BTBD3: variants seen among roughly 807,000 people sequenced by gnomAD.
The protein encoded by BTBD3 is BTB/POZ domain-containing protein 3.
Under a neutral mutation model 41.6 loss-of-function variants are expected in BTBD3, and 14 were observed. That is an observed-to-expected ratio of 0.34 (90% CI 0.22 to 0.53). BTBD3 has a LOEUF of 0.53. Ranked by LOEUF, BTBD3 falls within the 20% of genes least tolerant of loss-of-function variation. BTBD3 has a pLI of 0.95. For synonymous variants in BTBD3, 249 were observed against 233.7 expected (o/e 1.07, Z -0.60); for missense variants, 426 against 654.7 (o/e 0.65, Z 3.81).
chr20:11,922,945 T>G lies in BTBD3; in HGVS notation c.848T>G (p.Ile283Ser). The G allele has an allele frequency of 6.2e-7, 1 of 1,614,158 alleles. No homozygotes were observed. The highest frequency in any genetic ancestry group is 8.5e-7 in the Non-Finnish European group (1 of 1,180,026). The change falls in exon 4 of 4, where the codon ATT becomes AGT. Residue 283 changes from isoleucine to serine, a missense_variant. Transcript: ENST00000378226. ...LRRETLNAKE[I>S]VVFEAALNWA... ...AGGGAAACTCTGAATGCCAAAGAAATTGTGGTTTTTGAGGCAGCTCTCAAC... is the reference window on the plus strand; with the variant it reads ...AGGGAAACTCTGAATGCCAAAGAAAGTGTGGTTTTTGAGGCAGCTCTCAAC...
chr20:11,905,422 TAA>T (rs1419701954), intron 1 of BTBD3, among the ~76,000 whole-genome samples: 2 of 152,208 alleles, frequency 1.3e-5, no homozygotes, highest in African/African-American at 2.4e-5. Flanking sequence ...TAGAATATTT[TAA>T]AAGTGTTTAC....
In BTBD3 at chr20:11,918,224, A is replaced by T; in HGVS notation, c.-52A>T. On this transcript the variant is annotated 5_prime_UTR_variant, in exon 1 of 4. An upstream start codon of the reference 5' UTR is lost. Transcript: ENST00000378226. ...AGCCCGGGCTAATCTCTTTTCCTTG[A>T]TGTTCAAACCAATTTGGGATATCTA... 6.6e-7 allele frequency: 1 copy of T among 1,508,160 alleles called. No individual in the cohort carries two copies. The highest frequency in any genetic ancestry group is 8.8e-7 in the Non-Finnish European group (1 of 1,137,830). 93.4% of individuals were successfully genotyped at this position (1,508,160 alleles called of 1,614,324 possible).
Position 11,922,751 on chromosome 20 carries a change from C to T in BTBD3, c.654C>T (p.Thr218=). ...GAGCCTGTGTTAATTTCCTGGAGACCAGCCTGAGTGCCAAGAATGCCTGTG... is the reference window on the plus strand; with the variant it reads ...GAGCCTGTGTTAATTTCCTGGAGACTAGCCTGAGTGCCAAGAATGCCTGTG... ...LARACVNFLE[T]SLSAKNACVL... is the part of the protein sequence containing the mutation. Residue 218 remains threonine (T), a synonymous_variant, in exon 4 of 4, where the codon ACC becomes ACT. Transcript: ENST00000378226. The T allele has an allele frequency of 6.2e-7, 1 of 1,614,172 alleles. No individual in the cohort carries two copies. The highest frequency in any genetic ancestry group is 8.5e-7 in the Non-Finnish European group (1 of 1,180,036).
At chr20:11,912,845 T>C (rs924119564) in intron 1 of BTBD3, among the ~76,000 whole-genome samples, 6 of 152,240 alleles carry the variant, frequency 3.9e-5, no homozygotes, top group Non-Finnish European at 2.9e-5. Flanking sequence ...CTTGCTTTTT[T>C]AGCTATGCTA....
chr20:11,894,219 G>T (rs2056772912), intron 1 of BTBD3, among the ~76,000 whole-genome samples: 2 of 152,236 alleles, frequency 1.3e-5, no homozygotes, highest in South Asian at 4.1e-4. Flanking sequence ...GGCTCAGTAC[G>T]TAAGAGTGGA....
intron 1 of BTBD3, chr20:11,891,177 AGGG>A: frequency 7.0e-6 from 1 of 142,510 alleles, no homozygotes; most frequent in Non-Finnish European, 1.5e-5. Context: ...TGGCTTTCCG[AGGG>A]GGGGGGGGTC....
chr20:11,891,513 A>C (rs933428795), intron 1 of BTBD3: 2 of 151,724 alleles, frequency 1.3e-5, no homozygotes, highest in East Asian at 4.0e-4. Flanking sequence ...GCGCGGCCTC[A>C]GGCGCCGCGG....
chr20:11,922,135 A>G (rs2056975096), intron 3 of BTBD3, among the ~76,000 whole-genome samples: 2 of 152,218 alleles, frequency 1.3e-5, no homozygotes, highest in African/African-American at 4.8e-5. Context: ...TGCAGTCCAT[A>G]CTTTTGATAA....
At chr20:11,891,043 C>G in intron 1 of BTBD3, 4 of 900,786 alleles carry the variant, frequency 4.4e-6, no homozygotes, top group Non-Finnish European at 5.3e-6. Flanking sequence ...GCCCTGCGGC[C>G]GGCCGGAGGG....
At chr20:11,903,951 A>G (rs1197026474) in intron 1 of BTBD3, among the ~76,000 whole-genome samples, 3 of 152,174 alleles carry the variant, frequency 2.0e-5, no homozygotes, top group African/African-American at 7.2e-5. Flanking sequence ...TCTGTCTACA[A>G]TGTGCAAAAA....
rs113517277 is a variant in BTBD3, at chr20:11,918,827, A to G, written c.326+226A>G. ...TAACATTCAAGTGACAGGGTTGTCT[A>G]TGGGCCATAGAAAATGGGAACCTTT... is the stretch of plus-strand genomic sequence containing the variant. On this transcript the variant is annotated intron_variant, in intron 1 of 3. Transcript: ENST00000378226. The G allele has an allele frequency of 1.2e-3, 715 of 582,222 alleles. 4 individuals are homozygous for G. Among genetic ancestry groups the G allele is most frequent in the African/African-American group, 0.012 (636 of 53,328 alleles). 36.1% of individuals were successfully genotyped at this position (582,222 alleles called of 1,614,324 possible).
At chr20:11,919,952 G>C in intron 3 of BTBD3, 116 bp downstream of exon 3, 1 of 881,370 alleles carries the variant, frequency 1.1e-6, no homozygotes, top group Non-Finnish European at 1.9e-6. Flanking sequence ...GAAGAAAGAG[G>C]GTGCTGCTTA....
rs745581828 is a variant in BTBD3, at chr20:11,918,340, T to C, written c.65T>C (p.Val22Ala). The C allele has an allele frequency of 6.2e-7, 1 of 1,613,350 alleles. No homozygotes were observed. The highest frequency in any genetic ancestry group is 1.1e-5 in the South Asian group (1 of 90,970). Residue 22 changes from valine (V) to alanine (A), a missense_variant, in exon 1 of 4, where the codon GTA becomes GCA. This residue lies in a region of BTBD3 where 53 missense variants were observed against 74.8 expected (regional missense o/e 0.71). Coordinates refer to ENST00000378226, the MANE Select transcript of BTBD3 (RefSeq NM_014962.4). The stretch of plus-strand genomic sequence containing the variant: ...TTCTTCTTGATGCTTCCAGAGACGG[T>C]AAAGAACAGGTCCAAGAAAAGCTCA... ...LTFFLMLPETVKNRSKKSSKK... is the reference protein window; with the variant it reads ...LTFFLMLPETAKNRSKKSSKK...
chr20:11,905,958 A>G (rs2056850860), intron 1 of BTBD3, among the ~76,000 whole-genome samples: 1 of 152,142 alleles, frequency 6.6e-6, no homozygotes. Context: ...TCATATACAC[A>G]TTGAACAACA....
chr20:11,899,594 A>T lies in BTBD3; in HGVS notation c.-126+8640A>T, dbSNP rs2056811564. Among the ~76,000 whole-genome samples the T allele has an allele frequency of 2.0e-5, 3 of 151,866 alleles. No individual in the cohort carries two copies. In the South Asian group the frequency reaches 6.2e-4, roughly 32 times the overall value. ...TATTTTATTTTTACTTCCAGGATAC[A>T]TGTGCAGGACATGAAGATTTGTTAC... On this transcript the variant is annotated intron_variant, in intron 1 of 4. Coordinates refer to the BTBD3 transcript ENST00000254977.
At chr20:11,897,514 A>T (rs1321849288) in intron 1 of BTBD3, among the ~76,000 whole-genome samples, 2 of 143,842 alleles carry the variant, frequency 1.4e-5, no homozygotes, top group East Asian at 2.0e-4. Flanking sequence ...AAAAAAGAAC[A>T]TGGAATCCTC....
intron 1 of BTBD3, among the ~76,000 whole-genome samples, chr20:11,906,444 A>G (rs1363859578): frequency 1.3e-5 from 2 of 151,036 alleles, no homozygotes; most frequent in African/African-American, 2.4e-5. Flanking sequence ...TTGTATTTGT[A>G]GTAGAGATGG....
chr20:11,919,491 A>G (rs2056947315), intron 2 of BTBD3: 2 of 1,294,574 alleles, frequency 1.5e-6, no homozygotes, highest in Non-Finnish European at 2.0e-6. Context: ...GTATGTATTT[A>G]GTAATGAGGG....
exon 1 of BTBD3, chr20:11,890,874 G>C (rs1031771269): frequency 1.0e-6 from 1 of 985,118 alleles, no homozygotes; most frequent in Non-Finnish European, 1.2e-6. Flanking sequence ...ATCTCCGAGT[G>C]CCCCGGCCGG....
Sources: allele counts gnomAD v4.1 joint callset (sites outside exome capture counted in the v4.1 genomes callset), GRCh38; gene constraint gnomAD v4.1.1; regional missense constraint gnomAD v4.1.1; transcripts MANE v1.5; gene names NCBI Gene and HGNC (gene_info 2026-07-23, HGNC 2026-07-21).